Variants in UTP18 observed in about 807,000 individuals in gnomAD.
The protein encoded by UTP18 is UTP18 small subunit processome component, also known as U3 small nucleolar RNA-associated protein 18 homolog.
UTP18 carries 36 observed loss-of-function variants against 61.1 expected under a neutral mutation model. The observed-to-expected ratio is 0.59, with a 90% confidence interval of 0.45 to 0.78. The LOEUF (loss-of-function observed/expected upper bound fraction) is 0.78. UTP18 is among the 30% of genes least tolerant of loss of function. The pLI is 0.00. For missense variants in UTP18, 753 were observed against 693.9 expected (o/e 1.09, Z -0.96); for synonymous variants, 282 against 251.1 (o/e 1.12, Z -1.16).
intron 11 of UTP18, among the ~76,000 whole-genome samples, chr17:51,293,045 A>G (rs1905272803): frequency 6.6e-6 from 1 of 152,250 alleles, no homozygotes; most frequent in African/African-American, 2.4e-5. Flanking sequence ...GTAAAATCAG[A>G]CTTTATAATG....
chr17:51,273,739 T>TAATAAATTAATAAATAAATA (rs1904616461), intron 5 of UTP18, among the ~76,000 whole-genome samples: 1 of 141,030 alleles, frequency 7.1e-6, no homozygotes, highest in African/African-American at 2.6e-5. Context: ...GTCTCTAAAA[T>TAATAAATTAATAAATAAATA]AATAAATAAA....
intron 1 of UTP18, among the ~76,000 whole-genome samples, chr17:51,261,529 T>G (rs2055482540): frequency 6.6e-6 from 1 of 152,176 alleles, no homozygotes. Flanking sequence ...ACCAGGCTTT[T>G]CTTGAGAGAG....
At chr17:51,272,182 T>G (rs939181323) in intron 4 of UTP18, among the ~76,000 whole-genome samples, 1 of 152,140 alleles carries the variant, frequency 6.6e-6, no homozygotes, top group African/African-American at 2.4e-5. Flanking sequence ...CACTGCAACC[T>G]CTGCCTCCTG....
chr17:51,269,339 GTTTT>G (rs1904432230), intron 4 of UTP18, among the ~76,000 whole-genome samples: 1 of 130,608 alleles, frequency 7.7e-6, no homozygotes, highest in South Asian at 2.5e-4. Flanking sequence ...AAAAAAATCT[GTTTT>G]TTGACTGTAG....
In UTP18 at chr17:51,293,993, A is replaced by C. The variant is rs754292240; in HGVS notation, c.1594A>C (p.Arg532=). The C allele has an allele frequency of 1.2e-5, 20 of 1,611,028 alleles. No homozygotes were observed. The highest frequency in any genetic ancestry group is 1.6e-5 in the Non-Finnish European group (19 of 1,178,620). ...TGTTCATACCATGGATTTTTCTCCG[A>C]GAAGTGGATACTTTGCCTTGGGGAA... ...SHVHTMDFSP[R]SGYFALGNEK... Residue 532 remains arginine (R), a synonymous_variant, in exon 12 of 14, where the codon AGA becomes CGA. Coordinates refer to ENST00000225298, the MANE Select transcript of UTP18 (RefSeq NM_016001.3).
rs757348078 is a variant in UTP18 at position 51,260,615 on chromosome 17, C to G, written c.31C>G (p.Leu11Val). 1.2e-6 allele frequency: 2 copies of G among 1,612,606 alleles called. No homozygotes were observed. Among genetic ancestry groups the G allele is most frequent in the East Asian group, 2.2e-5 (1 of 44,844 alleles). MPPERRRRMK[L>V]DRRTGAKPKR... The stretch of plus-strand genomic sequence containing the variant: ...GCCGGAGCGGAGGAGACGAATGAAA[C>G]TGGACCGGAGAACCGGAGCGAAGCC... The change falls in exon 1 of 14, where the codon CTG becomes GTG. Residue 11 changes from leucine to valine, a missense_variant. Transcript: ENST00000225298.
intron 7 of UTP18, among the ~76,000 whole-genome samples, chr17:51,278,844 A>G (rs933545030): frequency 6.6e-6 from 1 of 152,146 alleles, no homozygotes; most frequent in Non-Finnish European, 1.5e-5. Context: ...TAGTAAGGAG[A>G]CTAGTCATCA....
At chr17:51,263,960 A>G (rs1215191269) in intron 2 of UTP18, among the ~76,000 whole-genome samples, 1 of 152,000 alleles carries the variant, frequency 6.6e-6, no homozygotes, top group Non-Finnish European at 1.5e-5. Context: ...TAAAATGGCT[A>G]TGTTGGAGTC....
intron 7 of UTP18, among the ~76,000 whole-genome samples, chr17:51,279,368 G>A (rs1228591595): frequency 6.6e-6 from 1 of 152,156 alleles, no homozygotes; most frequent in South Asian, 2.1e-4. Context: ...AAAGAGACAT[G>A]TCCTTTTGTA....
chr17:51,278,308 A>G (rs916575794), intron 7 of UTP18, among the ~76,000 whole-genome samples: 1 of 152,194 alleles, frequency 6.6e-6, no homozygotes, highest in African/African-American at 2.4e-5. Context: ...GGTGATGGTG[A>G]TACTGTGTGG....
chr17:51,275,473 T>A (rs771997459), intron 5 of UTP18, among the ~76,000 whole-genome samples: 6 of 152,202 alleles, frequency 3.9e-5, no homozygotes, highest in Non-Finnish European at 8.8e-5. Flanking sequence ...AATGCAAAGA[T>A]GCCAGGTGCC....
chr17:51,292,564 G>A (rs545727514), intron 11 of UTP18, among the ~76,000 whole-genome samples: 2 of 152,342 alleles, frequency 1.3e-5, no homozygotes, highest in South Asian at 4.1e-4. Flanking sequence ...CACTTTGATG[G>A]TATAAAGTCT....
intron 12 of UTP18, 151 bp from the exon 13 acceptor site, chr17:51,296,814 T>C: frequency 1.6e-6 from 1 of 639,392 alleles, no homozygotes; most frequent in Admixed American, 3.4e-5. Context: ...GAATGTCAGA[T>C]TGAGGAGTCT....
chr17:51,278,612 T>G (rs368888047), intron 7 of UTP18, among the ~76,000 whole-genome samples: 1 of 152,330 alleles, frequency 6.6e-6, no homozygotes, highest in African/African-American at 2.4e-5. Context: ...TTTTCTGTTT[T>G]CACATTTCCA....
intron 2 of UTP18, among the ~76,000 whole-genome samples, chr17:51,264,027 C>T (rs1480344313): frequency 6.6e-6 from 1 of 150,672 alleles, no homozygotes; most frequent in Admixed American, 6.6e-5. Context: ...TTTCTTTTTC[C>T]CTTTTTTTTT....
chr17:51,268,416 T>C (rs1904382521), intron 3 of UTP18, among the ~76,000 whole-genome samples: 1 of 152,246 alleles, frequency 6.6e-6, no homozygotes, highest in South Asian at 2.1e-4. Context: ...TCAGATGATA[T>C]ATAATGAAGT....
chr17:51,274,914 A>G (rs1395705907), intron 5 of UTP18, among the ~76,000 whole-genome samples: 1 of 150,840 alleles, frequency 6.6e-6, no homozygotes, highest in Non-Finnish European at 1.5e-5. Flanking sequence ...TAGTTACCAC[A>G]TGGCCGGGCG....
chr17:51,296,916 T>G (rs779120237), intron 12 of UTP18, 49 bp from the exon 13 acceptor site: 2 of 1,570,866 alleles, frequency 1.3e-6, no homozygotes, highest in East Asian at 2.3e-5. Flanking sequence ...TTGAAAACAC[T>G]GTGGGTAATT....
intron 2 of UTP18, among the ~76,000 whole-genome samples, chr17:51,263,897 T>C (rs1341449730): frequency 6.6e-6 from 1 of 152,172 alleles, no homozygotes; most frequent in Non-Finnish European, 1.5e-5. Flanking sequence ...TGACTTTTTC[T>C]ACATAAAGTT....
Sources: allele counts gnomAD v4.1 joint callset (sites outside exome capture counted in the v4.1 genomes callset), GRCh38; gene constraint gnomAD v4.1.1; transcripts MANE v1.5; gene names NCBI Gene and HGNC (gene_info 2026-07-23, HGNC 2026-07-21).